Variants in ZCCHC7 observed in about 807,000 individuals in gnomAD.
ZCCHC7 encodes the protein zinc finger CCHC-type containing 7, also known as zinc finger CCHC domain-containing protein 7.
Under a neutral mutation model 52.0 loss-of-function variants are expected in ZCCHC7, and 35 were observed. The ratio of observed to expected loss-of-function variants is 0.67; its 90% CI spans 0.51 to 0.89. The LOEUF is 0.89. Among genes scored for constraint, ZCCHC7 ranks in the 40% least tolerant of loss-of-function variants. The pLI, the probability that ZCCHC7 is intolerant of heterozygous loss-of-function variation, is 0.00. For synonymous variants in ZCCHC7, 217 were observed against 221.5 expected, an observed-to-expected ratio of 0.98 and a Z score of 0.18; for missense variants, 574 against 649.1, an observed-to-expected ratio of 0.88 and a Z score of 1.26.
intron 1 of ZCCHC7, among the ~76,000 whole-genome samples, chr9:37,122,615 A>G (rs1446013095): frequency 6.6e-6 from 1 of 152,248 alleles, no homozygotes; most frequent in Non-Finnish European, 1.5e-5. Flanking sequence ...TTTTCTTCAA[A>G]AAATCTTAAT....
At chr9:37,307,174 A>G (rs546823964) in intron 5 of ZCCHC7, among the ~76,000 whole-genome samples, 1 of 152,252 alleles carries the variant, frequency 6.6e-6, no homozygotes, top group African/African-American at 2.4e-5. Flanking sequence ...GCATATTAAA[A>G]ATGCTGTTTT....
At chr9:37,288,328 A>AT (rs1487661695) in intron 2 of ZCCHC7, among the ~76,000 whole-genome samples, 1 of 138,884 alleles carries the variant, frequency 7.2e-6, no homozygotes, top group Non-Finnish European at 1.5e-5. Flanking sequence ...AGATAGATAG[A>AT]TTTTTTTATA....
chr9:37,342,289 T>C (rs973621548), intron 6 of ZCCHC7, among the ~76,000 whole-genome samples: 2 of 152,068 alleles, frequency 1.3e-5, no homozygotes, highest in African/African-American at 4.8e-5. Flanking sequence ...AAGTTGCCGA[T>C]GAGATGGGAA....
At chr9:37,142,921 A>C (rs932302997) in intron 2 of ZCCHC7, among the ~76,000 whole-genome samples, 19 of 151,978 alleles carry the variant, frequency 1.3e-4, no homozygotes, top group Middle Eastern at 3.4e-3. Flanking sequence ...TTCTGTTAGC[A>C]TGTTTTACTA....
At chr9:37,312,169 A>G (rs1039074328) in intron 5 of ZCCHC7, among the ~76,000 whole-genome samples, 5 of 152,230 alleles carry the variant, frequency 3.3e-5, no homozygotes, top group Non-Finnish European at 7.3e-5. Flanking sequence ...ATTGTGCTGA[A>G]TAACTAAGCC....
At chr9:37,203,614 A>G (rs908890636) in intron 2 of ZCCHC7, among the ~76,000 whole-genome samples, 1 of 152,180 alleles carries the variant, frequency 6.6e-6, no homozygotes, top group African/African-American at 2.4e-5. Context: ...AGCTTCATCC[A>G]TGTTCCTGCA....
Position 37,306,502 on chromosome 9 carries a change from G to C in ZCCHC7, c.951+788G>C, listed in dbSNP as rs185250469. Among the ~76,000 whole-genome samples, 9 of 151,098 alleles carry C rather than the reference G, an allele frequency of 6.0e-5. No individual in the cohort carries two copies. The East Asian group carries it at 1.6e-3, about 26-fold the overall frequency. ...ATTTTTTGAGATGGAGTCTCGCTCT[G>C]TTGCCCAGGCTGGAGTGCAGTGGCG... On this transcript the variant is annotated intron_variant, in intron 5 of 8. Coordinates refer to ENST00000336755, the MANE Select transcript of ZCCHC7 (RefSeq NM_032226.3).
At chr9:37,311,936 A>G (rs1438968546) in intron 5 of ZCCHC7, among the ~76,000 whole-genome samples, 1 of 152,272 alleles carries the variant, frequency 6.6e-6, no homozygotes, top group Non-Finnish European at 1.5e-5. Flanking sequence ...AGCAGGAAAT[A>G]CAAAGCATCT....
At chr9:37,146,676 C>G (rs1431431552) in intron 2 of ZCCHC7, among the ~76,000 whole-genome samples, 3 of 151,842 alleles carry the variant, frequency 2.0e-5, no homozygotes, top group African/African-American at 7.2e-5. Context: ...GCAGTTTTTG[C>G]TGCTCAACAT....
At position 37,354,218 on chromosome 9, in the gene ZCCHC7, G is replaced by A. The variant is rs959609579; in HGVS notation, c.1084-492G>A. The stretch of plus-strand genomic sequence containing the variant: ...ATCACTACCCCTATAAGCAGTGAAT[G>A]TTGAGTTAAAATAAGCTTGCAAACC... On this transcript the variant is annotated intron_variant, in intron 7 of 8. Transcript: ENST00000336755. This position sits in a 1 kb window ranked among gnomAD's most constrained non-coding sequence, Gnocchi z 4.0. 6.6e-6 allele frequency among the ~76,000 whole-genome samples: 1 copy of A among 152,138 alleles called. No individual in the cohort carries two copies. Among genetic ancestry groups the A allele is most frequent in the Non-Finnish European group, 1.5e-5 (1 of 68,028 alleles).
chr9:37,212,352 C>T (rs754965797), intron 2 of ZCCHC7, among the ~76,000 whole-genome samples: 2 of 152,058 alleles, frequency 1.3e-5, no homozygotes, highest in Non-Finnish European at 2.9e-5. Flanking sequence ...TTTGTTTGTA[C>T]AGGCATACTG....
intron 6 of ZCCHC7, among the ~76,000 whole-genome samples, chr9:37,337,775 C>T (rs1317738346): frequency 6.6e-6 from 1 of 152,124 alleles, no homozygotes; most frequent in Non-Finnish European, 1.5e-5. Context: ...AAACGATTTT[C>T]ACTTAATGTT....
intron 2 of ZCCHC7, among the ~76,000 whole-genome samples, chr9:37,200,396 T>G (rs1244517507): frequency 3.9e-5 from 6 of 152,222 alleles, no homozygotes. Context: ...TCCCCTTCAT[T>G]TATGACTTTT....
Position 37,229,180 on chromosome 9 carries a change from A to T in ZCCHC7, c.611-73008A>T, listed in dbSNP as rs554551048. On this transcript the variant is annotated intron_variant, in intron 2 of 8. Transcript: ENST00000336755. Reference sequence around the variant, plus strand: ...TGATAATTTAATATTACATTGATTAATGGCTCACAGCTTCTTTGTATAAAT... The same window carrying T: ...TGATAATTTAATATTACATTGATTATTGGCTCACAGCTTCTTTGTATAAAT... Among the ~76,000 whole-genome samples the T allele has an allele frequency of 3.3e-5, 5 of 152,288 alleles. No homozygotes were observed. The East Asian group carries it at 9.6e-4, about 29-fold the overall frequency.
intron 2 of ZCCHC7, among the ~76,000 whole-genome samples, chr9:37,285,527 T>C (rs1409387026): frequency 6.6e-6 from 1 of 152,174 alleles, no homozygotes; most frequent in Non-Finnish European, 1.5e-5. Flanking sequence ...AGCAGGCTTT[T>C]GGGGAATGGG....
At chr9:37,157,066 A>C (rs1225975444) in intron 2 of ZCCHC7, among the ~76,000 whole-genome samples, 3 of 151,750 alleles carry the variant, frequency 2.0e-5, no homozygotes, top group Non-Finnish European at 4.4e-5. Flanking sequence ...ATAATGTGGA[A>C]GCAAACACCA....
At chr9:37,154,176 A>C (rs1820686719) in intron 2 of ZCCHC7, among the ~76,000 whole-genome samples, 1 of 152,044 alleles carries the variant, frequency 6.6e-6, no homozygotes, top group Non-Finnish European at 1.5e-5. Flanking sequence ...AGGATGAGCC[A>C]CTCCGCCTGG....
chr9:37,244,910 A>T (rs1169803366), intron 2 of ZCCHC7, among the ~76,000 whole-genome samples: 2 of 151,946 alleles, frequency 1.3e-5, no homozygotes, highest in Non-Finnish European at 2.9e-5. Context: ...AACATGATAG[A>T]TATATCTCAC....
At chr9:37,214,210 C>A (rs1056957027) in intron 2 of ZCCHC7, among the ~76,000 whole-genome samples, 2 of 152,012 alleles carry the variant, frequency 1.3e-5, no homozygotes, top group Admixed American at 1.3e-4. Context: ...CTCATTAACA[C>A]ATTTGAGTAT....
Sources: allele counts gnomAD v4.1 joint callset (sites outside exome capture counted in the v4.1 genomes callset), GRCh38; gene constraint gnomAD v4.1.1; non-coding constraint Gnocchi (gnomAD v3.1); transcripts MANE v1.5; gene names NCBI Gene and HGNC (gene_info 2026-07-23, HGNC 2026-07-21).